CNRIP1: variants seen among roughly 807,000 people sequenced by gnomAD.
CNRIP1 encodes the protein cannabinoid receptor interacting protein 1.
Under a neutral mutation model 15.2 loss-of-function variants are expected in CNRIP1, and 10 were observed. That is an observed-to-expected ratio of 0.66 (90% confidence interval 0.41 to 1.12). CNRIP1 has a LOEUF of 1.12. Among genes scored for constraint, CNRIP1 ranks in the 50% most tolerant of loss-of-function variants. The probability of loss-of-function intolerance (pLI) is 0.00; values close to 1 mark genes in which losing one functional copy is unlikely to be tolerated. For synonymous variants in CNRIP1, 91 were observed against 83.2 expected (o/e 1.09, Z -0.51); for missense variants, 211 against 214.7 (o/e 0.98, Z 0.11).
intron 2 of CNRIP1, among the ~76,000 whole-genome samples, chr2:68,312,551 G>A (rs1436321261): frequency 6.6e-6 from 1 of 152,096 alleles, no homozygotes; most frequent in African/African-American, 2.4e-5. Flanking sequence ...TCAGACTGAG[G>A]GACAAGAATG....
intron 1 of CNRIP1, among the ~76,000 whole-genome samples, chr2:68,317,611 G>A (rs915495477): frequency 2.0e-5 from 3 of 152,066 alleles, no homozygotes; most frequent in South Asian, 2.1e-4. Flanking sequence ...TACTGAACTC[G>A]TCCTCTAATA....
At chr2:68,299,735 G>T (rs1016205215) in intron 2 of CNRIP1, among the ~76,000 whole-genome samples, 2 of 152,212 alleles carry the variant, frequency 1.3e-5, no homozygotes, top group African/African-American at 2.4e-5. Flanking sequence ...ATGTGGAAGA[G>T]AACACATCTG....
At chr2:68,301,941 CA>C (rs1671627200) in intron 2 of CNRIP1, among the ~76,000 whole-genome samples, 1 of 147,026 alleles carries the variant, frequency 6.8e-6, no homozygotes. Flanking sequence ...AACAAATAGC[CA>C]GTAGAATAAG....
At chr2:68,306,819 T>C (rs1289796041) in intron 2 of CNRIP1, among the ~76,000 whole-genome samples, 1 of 151,580 alleles carries the variant, frequency 6.6e-6, no homozygotes, top group Non-Finnish European at 1.5e-5. Flanking sequence ...CTTAAGGGTA[T>C]TGCATTATGT....
chr2:68,290,633 A>C (rs35960138), downstream of CNRIP1, among the ~76,000 whole-genome samples: 8,333 of 152,202 alleles, frequency 0.055, 251 homozygotes, highest in Admixed American at 0.091. Flanking sequence ...TTCCAATTTC[A>C]TAAGAGTCAG....
chr2:68,297,981 A>G (rs1347038132), intron 2 of CNRIP1, among the ~76,000 whole-genome samples: 2 of 152,166 alleles, frequency 1.3e-5, no homozygotes, highest in South Asian at 2.1e-4. Context: ...TCTACAATAA[A>G]TGTTACTTTT....
intron 2 of CNRIP1, among the ~76,000 whole-genome samples, chr2:68,313,818 A>G: frequency 6.6e-6 from 1 of 152,142 alleles, no homozygotes; most frequent in East Asian, 1.9e-4. Context: ...ATGATTTCCT[A>G]TAGTCATTAG....
At chr2:68,306,628 A>G (rs1671857350) in intron 2 of CNRIP1, among the ~76,000 whole-genome samples, 1 of 152,064 alleles carries the variant, frequency 6.6e-6, no homozygotes, top group Non-Finnish European at 1.5e-5. Flanking sequence ...TGAAAATACA[A>G]AACTTAGCTG....
chr2:68,306,124 C>CAAA (rs61586261), intron 2 of CNRIP1, among the ~76,000 whole-genome samples: 1,552 of 25,314 alleles, frequency 0.061, 327 homozygotes, highest in South Asian at 0.088. Flanking sequence ...CCCACCTCTA[C>CAAA]AAAAAAAAAA....
intron 2 of CNRIP1, among the ~76,000 whole-genome samples, chr2:68,314,658 A>G (rs1482447981): frequency 3.3e-5 from 5 of 152,182 alleles, no homozygotes; most frequent in African/African-American, 7.2e-5. Context: ...ATATGAATAC[A>G]TATTATAAAA....
At chr2:68,306,124 CAAAAAAAA>C (rs61586261) in intron 2 of CNRIP1, among the ~76,000 whole-genome samples, 29 of 25,342 alleles carry the variant, frequency 1.1e-3, no homozygotes, top group East Asian at 8.1e-3. Context: ...CCCACCTCTA[CAAAAAAAA>C]AAAAAAAAAA....
intron 2 of CNRIP1, among the ~76,000 whole-genome samples, chr2:68,300,030 G>A (rs1671545603): frequency 6.6e-6 from 1 of 152,104 alleles, no homozygotes; most frequent in Admixed American, 6.5e-5. Flanking sequence ...CTTTTAGTGT[G>A]GTGTGACCTA....
chr2:68,287,117 T>C (rs1196846830), intron 2 of CNRIP1, among the ~76,000 whole-genome samples: 1 of 152,210 alleles, frequency 6.6e-6, no homozygotes, highest in Non-Finnish European at 1.5e-5. Context: ...CTAATCCATA[T>C]TGTGACTTCT....
At chr2:68,313,849 G>T (rs945999266) in intron 2 of CNRIP1, among the ~76,000 whole-genome samples, 11 of 152,012 alleles carry the variant, frequency 7.2e-5, no homozygotes, top group Admixed American at 3.9e-4. Flanking sequence ...GTGGCAAAAA[G>T]GTTCTATATC....
At chr2:68,300,957 G>A (rs146715832) in intron 2 of CNRIP1, among the ~76,000 whole-genome samples, 1 of 152,180 alleles carries the variant, frequency 6.6e-6, no homozygotes, top group Non-Finnish European at 1.5e-5. Context: ...CCAAATGGCT[G>A]CATTGATAAA....
chr2:68,312,970 T>A (rs921939738), intron 2 of CNRIP1, among the ~76,000 whole-genome samples: 1 of 152,126 alleles, frequency 6.6e-6, no homozygotes, highest in Non-Finnish European at 1.5e-5. Context: ...GTCAAATATC[T>A]TTAAGTTGAC....
chr2:68,309,121 C>G (rs766405), intron 2 of CNRIP1, among the ~76,000 whole-genome samples: 232 of 152,220 alleles, frequency 1.5e-3, no homozygotes, highest in African/African-American at 5.4e-3. Context: ...TTAGAGCAAA[C>G]TTTCATAACC....
chr2:68,315,328 G>C (rs138976597), intron 2 of CNRIP1, among the ~76,000 whole-genome samples: 190 of 152,276 alleles, frequency 1.2e-3, no homozygotes, highest in Non-Finnish European at 2.1e-3. Context: ...ACTATACCTA[G>C]TGCAGAGAGA....
At chr2:68,305,257 A>ATAT (rs1440564058) in intron 2 of CNRIP1, among the ~76,000 whole-genome samples, 132 of 57,026 alleles carry the variant, frequency 2.3e-3, no homozygotes, top group African/African-American at 7.6e-3. Context: ...AAAAAAAAAA[A>ATAT]AAATATATAT....
Sources: gnomAD v4.1 joint callset for allele counts (sites outside exome capture counted in the v4.1 genomes callset) on GRCh38, gnomAD v4.1.1 for gene constraint, MANE v1.5 for transcripts, NCBI Gene and HGNC (gene_info 2026-07-23, HGNC 2026-07-21) for gene names.